The following CHST15 variants were observed in gnomAD, a reference collection of about 807,000 sequenced individuals.
CHST15 encodes the protein B cell RAG associated protein (GALNAC4S-6ST).
CHST15 carries 30 observed loss-of-function variants against 53.6 expected under a neutral mutation model. The observed-to-expected ratio is 0.56, with a 90% CI of 0.42 to 0.76. The LOEUF (loss-of-function observed/expected upper bound fraction) is 0.76. CHST15 is among the 30% of genes least tolerant of loss of function. The pLI is 0.00. For synonymous variants in CHST15, 296 were observed against 289.8 expected (o/e 1.02, Z -0.22); for missense variants, 627 against 740.5 (o/e 0.85, Z 1.78).
intron 1 of CHST15, among the ~76,000 whole-genome samples, chr10:124,089,502 G>A: frequency 6.6e-6 from 1 of 152,126 alleles, no homozygotes; most frequent in Admixed American, 6.5e-5. Context: ...CCAGTACAGT[G>A]GAGATGAAGG....
intron 1 of CHST15, among the ~76,000 whole-genome samples, chr10:124,054,497 T>C (rs1016650730): frequency 2.0e-5 from 3 of 152,232 alleles, no homozygotes; most frequent in Non-Finnish European, 4.4e-5. Context: ...ATCAGATCTC[T>C]ACAATATGCA....
At position 124,008,515 on chromosome 10, in the gene CHST15, AC is replaced by A; in HGVS notation, c.*1633del. 1.0e-6 allele frequency: 1 copy of A among 993,230 alleles called. No individual in the cohort carries two copies. The highest frequency in any genetic ancestry group is 1.2e-6 in the Non-Finnish European group (1 of 834,124). 61.5% of individuals were successfully genotyped at this position (993,230 alleles called of 1,614,324 possible). A position where few individuals can be genotyped will look rare whatever the true frequency, so the allele number is the denominator to read the frequency against. ...CCCTGCAAGTGGGAGTTCAGGACAC[AC>A]GCTCCTTCAGTAGCAAAAACAGCCC... On this transcript the variant is annotated 3_prime_UTR_variant, in exon 8 of 8. Coordinates refer to ENST00000435907, the MANE Select transcript of CHST15 (RefSeq NM_001270764.2).
intron 3 of CHST15, among the ~76,000 whole-genome samples, chr10:124,044,097 GGGAACGGCACAGAGCAGA>G (rs1391187611): frequency 5.8e-4 from 86 of 148,744 alleles, no homozygotes; most frequent in African/African-American, 1.7e-3. Context: ...GCACAGAGCA[GGGAACGGCACAGAGCAGA>G]GGAACGGCAC....
intron 1 of CHST15, among the ~76,000 whole-genome samples, chr10:124,067,176 C>T (rs1948774550): frequency 6.6e-6 from 1 of 152,214 alleles, no homozygotes; most frequent in Non-Finnish European, 1.5e-5. Context: ...TTGGGGATCA[C>T]AAAGAAGAGA....
chr10:124,092,663 C>T (rs1949639970), intron 1 of CHST15, among the ~76,000 whole-genome samples: 1 of 152,136 alleles, frequency 6.6e-6, no homozygotes, highest in Admixed American at 6.5e-5. Context: ...GTTCTGGAAG[C>T]GCATCCGAGC....
intron 6 of CHST15, among the ~76,000 whole-genome samples, chr10:124,017,039 C>T (rs998999532): frequency 2.6e-5 from 4 of 152,116 alleles, no homozygotes; most frequent in Non-Finnish European, 4.4e-5. Flanking sequence ...GCCCCCAGGG[C>T]GCTGGATGGG....
chr10:124,044,596 C>A lies in CHST15; in HGVS notation c.870G>T (p.Trp290Cys). 1 of 1,548,978 alleles carries A rather than the reference C, an allele frequency of 6.5e-7. No homozygotes were observed. The highest frequency in any genetic ancestry group is 1.2e-5 in the South Asian group (1 of 83,896). ...KFSAIKEPHW[W>C]TRKRFGIVRL... ...AGCACTCACCAAAGCGCTTCCGGGT[C>A]CACCAGTGTGGCTCCTTGATGGCGG... Residue 290 changes from tryptophan (W) to cysteine (C), a missense_variant, in exon 3 of 8, where the codon TGG (tryptophan) becomes TGT (cysteine). Transcript: ENST00000435907.
intron 1 of CHST15, among the ~76,000 whole-genome samples, chr10:124,061,067 G>A (rs546410695): frequency 6.6e-6 from 1 of 152,294 alleles, no homozygotes; most frequent in South Asian, 2.1e-4. Flanking sequence ...TCTGGGTGGG[G>A]TGACGTGGCT....
In CHST15 at chr10:124,009,670, TACAG is replaced by T. The variant is rs1410845404; in HGVS notation, c.*475_*478del. On this transcript the variant is annotated 3_prime_UTR_variant, in exon 8 of 8. Transcript: ENST00000435907. ...CACACCTGTGAAGATAGCCATTGAA[TACAG>T]ACAGTCTGTGCAACACGGCGAGACC... The T allele has an allele frequency of 1.1e-5, 11 of 1,006,384 alleles. No homozygotes were observed. The highest frequency in any genetic ancestry group is 1.3e-5 in the Non-Finnish European group (11 of 841,548). 62.3% of individuals were successfully genotyped at this position (1,006,384 alleles called of 1,614,324 possible).
intron 1 of CHST15, among the ~76,000 whole-genome samples, chr10:124,071,770 T>C (rs1948922173): frequency 6.6e-6 from 1 of 152,218 alleles, no homozygotes; most frequent in Non-Finnish European, 1.5e-5. Context: ...ACCCAAGCTG[T>C]TCCAAACATT....
At chr10:124,021,474 G>T in intron 5 of CHST15, 62 bp from the exon 6 acceptor site, 1 of 1,555,196 alleles carries the variant, frequency 6.4e-7, no homozygotes, top group Non-Finnish European at 8.7e-7. Context: ...CCATTTGGGC[G>T]ACAATGAAAA....
At chr10:124,079,145 T>G (rs1219014984) in intron 1 of CHST15, among the ~76,000 whole-genome samples, 1 of 152,218 alleles carries the variant, frequency 6.6e-6, no homozygotes, top group Non-Finnish European at 1.5e-5. Flanking sequence ...TTCTTTTATC[T>G]TTCCATTTAT....
intron 1 of CHST15, among the ~76,000 whole-genome samples, chr10:124,073,491 T>C (rs1327670544): frequency 6.6e-6 from 1 of 152,198 alleles, no homozygotes; most frequent in African/African-American, 2.4e-5. Context: ...ACTGGTTGCA[T>C]AGGTGAGTTC....
chr10:124,048,799 C>A (rs1430336412), intron 1 of CHST15, among the ~76,000 whole-genome samples: 1 of 152,154 alleles, frequency 6.6e-6, no homozygotes, highest in Non-Finnish European at 1.5e-5. Context: ...AAAACACGGA[C>A]TTTGAAGCTC....
intron 4 of CHST15, 147 bp from the exon 5 acceptor site, chr10:124,038,818 G>A (rs921055031): frequency 3.8e-6 from 3 of 779,902 alleles, no homozygotes; most frequent in Non-Finnish European, 4.0e-6. Context: ...GGGCATCTGG[G>A]ACTCCAAAGA....
At chr10:124,073,521 A>G (rs992837603) in intron 1 of CHST15, among the ~76,000 whole-genome samples, 1 of 152,214 alleles carries the variant, frequency 6.6e-6, no homozygotes, top group African/African-American at 2.4e-5. Context: ...AAATCCATCA[A>G]GCAGCACACT....
At chr10:124,052,534 A>G (rs954124288) in intron 1 of CHST15, among the ~76,000 whole-genome samples, 20 of 152,230 alleles carry the variant, frequency 1.3e-4, no homozygotes, top group African/African-American at 3.4e-4. Context: ...ATTTTTCAAA[A>G]GAAGTCCCCG....
rs1948154774 is a variant in CHST15 at position 124,050,562 on chromosome 10, T to C, written c.-512-3838A>G. 2.6e-5 allele frequency among the ~76,000 whole-genome samples: 4 copies of C among 152,110 alleles called. No individual in the cohort carries two copies. The South Asian group carries it at 8.3e-4, about 31-fold the overall frequency. ...CCATAGCACCCCTTCCCCTGACATG[T>C]CACAACCAAAAATGTCTCCAGGCAT... is the stretch of plus-strand genomic sequence containing the variant. On this transcript the variant is annotated intron_variant, in intron 1 of 7. Coordinates refer to ENST00000435907, the MANE Select transcript of CHST15 (RefSeq NM_001270764.2).
intron 6 of CHST15, 86 bp downstream of exon 6, chr10:124,021,170 C>T: frequency 3.9e-6 from 6 of 1,553,894 alleles, no homozygotes; most frequent in Non-Finnish European, 4.3e-6. Context: ...GAAACGCAAA[C>T]CCACAATGCC....
Sources: allele counts gnomAD v4.1 joint callset (sites outside exome capture counted in the v4.1 genomes callset), GRCh38; gene constraint gnomAD v4.1.1; transcripts MANE v1.5; gene names NCBI Gene and HGNC (gene_info 2026-07-23, HGNC 2026-07-21).